PCDHA8: variants seen among roughly 807,000 people sequenced by gnomAD.
PCDHA8 encodes protocadherin alpha-8.
A neutral mutation model predicts 61.8 loss-of-function variants in PCDHA8; 53 were observed. That is an observed-to-expected ratio of 0.86 (90% CI 0.69 to 1.08). PCDHA8 has a LOEUF of 1.08. PCDHA8 is among the 50% of genes least tolerant of loss of function. PCDHA8 has a pLI of 0.00. For missense variants in PCDHA8, 1,293 were observed against 1,245.0 expected (o/e 1.04, Z -0.58); for synonymous variants, 618 against 556.6 (o/e 1.11, Z -1.55).
chr5:140,925,671 A>G (rs999903876), intron 1 of PCDHA8, among the ~76,000 whole-genome samples: 5 of 148,178 alleles, frequency 3.4e-5, no homozygotes, highest in African/African-American at 1.2e-4. Flanking sequence ...TAATAATAAT[A>G]ATAATAAAGC....
chr5:141,002,941 C>G (rs964416301), intron 3 of PCDHA8, among the ~76,000 whole-genome samples: 18 of 152,216 alleles, frequency 1.2e-4, no homozygotes, highest in African/African-American at 4.1e-4. Flanking sequence ...CACCCTCCAG[C>G]ACATGCCCCT....
chr5:140,850,784 TAAG>T, intron 1 of PCDHA8: 1 of 1,597,982 alleles, frequency 6.3e-7, no homozygotes, highest in Non-Finnish European at 8.6e-7. Flanking sequence ...CTGGCGAGGG[TAAG>T]CAGAAGACCG....
intron 1 of PCDHA8, among the ~76,000 whole-genome samples, chr5:140,874,129 G>A (rs1400596915): frequency 6.6e-6 from 1 of 151,518 alleles, no homozygotes; most frequent in African/African-American, 2.5e-5. Context: ...GTTTATTTAA[G>A]TTATCTTATA....
chr5:140,876,051 A>G, intron 1 of PCDHA8: 2 of 1,613,956 alleles, frequency 1.2e-6, no homozygotes, highest in African/African-American at 2.7e-5. Flanking sequence ...TATTGCCTGA[A>G]TTAGTTCTTC....
At chr5:140,906,097 T>G (rs1396034135) in intron 1 of PCDHA8, among the ~76,000 whole-genome samples, 1 of 152,144 alleles carries the variant, frequency 6.6e-6, no homozygotes, top group Non-Finnish European at 1.5e-5. Context: ...AGAGTAAGTG[T>G]GTCTTTCCCA....
At chr5:140,969,145 C>T (rs782791096) in intron 1 of PCDHA8, 1 of 1,614,168 alleles carries the variant, frequency 6.2e-7, no homozygotes, top group South Asian at 1.1e-5. Context: ...CCTACTGCTA[C>T]AAGGCCTGTC....
At chr5:140,861,768 T>TACAA (rs2047071882) in intron 1 of PCDHA8, 1 of 158,832 alleles carries the variant, frequency 6.3e-6, no homozygotes, top group Non-Finnish European at 1.4e-5. Flanking sequence ...TCCCTGGAAA[T>TACAA]ACCAAGAGCA....
intron 1 of PCDHA8, among the ~76,000 whole-genome samples, chr5:140,960,366 ACT>A (rs2095543381): frequency 6.6e-6 from 1 of 152,188 alleles, no homozygotes; most frequent in Non-Finnish European, 1.5e-5. Flanking sequence ...TAATATGCCA[ACT>A]CTTAAGTGCC....
intron 1 of PCDHA8, among the ~76,000 whole-genome samples, chr5:140,918,414 T>G (rs2078683449): frequency 6.6e-6 from 1 of 152,198 alleles, no homozygotes; most frequent in African/African-American, 2.4e-5. Context: ...TGGCCAGGAC[T>G]TCCAGTAGGA....
chr5:140,901,268 T>C (rs185427298), intron 1 of PCDHA8, among the ~76,000 whole-genome samples: 57 of 152,328 alleles, frequency 3.7e-4, no homozygotes, highest in African/African-American at 1.3e-3. Context: ...TGTGGGGTAT[T>C]ACTCAAGAAA....
intron 1 of PCDHA8, chr5:140,861,554 C>A (rs1023234694): frequency 1.8e-5 from 7 of 398,878 alleles, no homozygotes; most frequent in Non-Finnish European, 2.6e-5. Flanking sequence ...TGGAAGTGAT[C>A]GTGGACAAGC....
chr5:140,857,057 G>A, intron 1 of PCDHA8: 1 of 1,596,192 alleles, frequency 6.3e-7, no homozygotes, highest in African/African-American at 1.3e-5. Flanking sequence ...CACGGTCCTA[G>A]TGGAACTACT....
intron 1 of PCDHA8, chr5:140,861,087 C>T (rs1554154139): frequency 6.6e-6 from 1 of 152,266 alleles, no homozygotes; most frequent in African/African-American, 2.4e-5. Flanking sequence ...AAAGAAGCTC[C>T]ATTGTTCCTG....
intron 3 of PCDHA8, among the ~76,000 whole-genome samples, chr5:141,000,955 T>G (rs1237087024): frequency 6.6e-6 from 1 of 152,210 alleles, no homozygotes; most frequent in Non-Finnish European, 1.5e-5. Flanking sequence ...CTTGCTGTAA[T>G]TTAAGCCTTC....
chr5:140,926,323 G>C (rs977416438), intron 1 of PCDHA8: 1 of 152,270 alleles, frequency 6.6e-6, no homozygotes, highest in South Asian at 2.1e-4. Flanking sequence ...GGTGCGCCGG[G>C]GTCAGAGCGC....
chr5:140,867,395 T>C (rs1319055963), intron 1 of PCDHA8: 1 of 152,176 alleles, frequency 6.6e-6, no homozygotes, highest in Admixed American at 6.5e-5. Context: ...TTATAAAAGT[T>C]GATATGTCTC....
chr5:140,946,508 G>A (rs1352307719), intron 1 of PCDHA8, among the ~76,000 whole-genome samples: 3 of 151,202 alleles, frequency 2.0e-5, no homozygotes, highest in Non-Finnish European at 3.0e-5. Flanking sequence ...GTATGTCAAA[G>A]ACCTATCCGC....
intron 3 of PCDHA8, among the ~76,000 whole-genome samples, chr5:141,008,863 C>T (rs902385521): frequency 6.6e-6 from 1 of 152,204 alleles, no homozygotes. Flanking sequence ...CTCTTCCATG[C>T]TGCATCCCAC....
At chr5:140,919,976 G>A (rs552658832) in intron 1 of PCDHA8, among the ~76,000 whole-genome samples, 1 of 134,018 alleles carries the variant, frequency 7.5e-6, no homozygotes, top group Non-Finnish European at 1.7e-5. Context: ...ATAAGAGATA[G>A]AAGATGGAAA....
Sources: gnomAD v4.1 joint callset for allele counts (sites outside exome capture counted in the v4.1 genomes callset) on GRCh38, gnomAD v4.1.1 for gene constraint, MANE v1.5 for transcripts, NCBI Gene and HGNC (gene_info 2026-07-23, HGNC 2026-07-21) for gene names.